KIRREL3: variants seen among roughly 807,000 people sequenced by gnomAD.
The protein encoded by KIRREL3 is kirre like nephrin family adhesion molecule 3.
A neutral mutation model predicts 89.7 loss-of-function variants in KIRREL3; 36 were observed. The ratio of observed to expected loss-of-function variants is 0.40; its 90% CI spans 0.31 to 0.53. The LOEUF (loss-of-function observed/expected upper bound fraction) is 0.53. Ranked by LOEUF, KIRREL3 falls within the 20% of genes least tolerant of loss-of-function variation. The probability of loss-of-function intolerance (pLI) is 0.49; values close to 1 mark genes in which losing one functional copy is unlikely to be tolerated. For synonymous variants in KIRREL3, 445 were observed against 441.4 expected, an observed-to-expected ratio of 1.01 and a Z score of -0.10; for missense variants, 864 against 1,056.6, an observed-to-expected ratio of 0.82 and a Z score of 2.53.
chr11:126,895,941 G>A (rs983930078), intron 1 of KIRREL3, among the ~76,000 whole-genome samples: 2 of 152,196 alleles, frequency 1.3e-5, no homozygotes, highest in Admixed American at 6.5e-5. Context: ...AACTGCAGCG[G>A]TGTTGTCACT....
chr11:126,472,678 C>T (rs1437498989), intron 5 of KIRREL3, among the ~76,000 whole-genome samples: 2 of 134,582 alleles, frequency 1.5e-5, no homozygotes, highest in African/African-American at 2.8e-5. Flanking sequence ...TAGGGTCTTC[C>T]CCAGCAGTTA....
At position 126,491,123 on chromosome 11, in the gene KIRREL3, T is replaced by C. The variant is rs1208219456; in HGVS notation, c.434-17657A>G. Among the ~76,000 whole-genome samples, 2 of 152,196 alleles carry C rather than the reference T, an allele frequency of 1.3e-5. No individual in the cohort carries two copies. The highest frequency in any genetic ancestry group is 4.8e-5 in the African/African-American group (2 of 41,452). ...AAACCGGAATCCCAAAGACAAGCCC[T>C]GAGTCTCCAGGCCACCACTTTCTAC... On this transcript the variant is annotated intron_variant, in intron 4 of 16. Transcript: ENST00000525144. The surrounding 1 kb of genome is among the most constrained non-coding windows in gnomAD (Gnocchi z 5.5).
rs1013237486 is a variant in KIRREL3 at position 126,782,766 on chromosome 11, T to C, written c.55+217689A>G. ...GCTTAATATAGATATAGATGTTATG[T>C]ATGGAAATATTTATAGCTATGTATA... is the stretch of plus-strand genomic sequence containing the variant. On this transcript the variant is annotated intron_variant, in intron 1 of 16. Coordinates refer to ENST00000525144, the MANE Select transcript of KIRREL3 (RefSeq NM_032531.4). The surrounding 1 kb of genome is among the most constrained non-coding windows in gnomAD (Gnocchi z 4.1). 1.3e-5 allele frequency among the ~76,000 whole-genome samples: 2 copies of C among 152,210 alleles called. No individual in the cohort carries two copies. Among genetic ancestry groups the C allele is most frequent in the Non-Finnish European group, 2.9e-5 (2 of 68,044 alleles).
chr11:126,809,718 A>G (rs551382999), intron 1 of KIRREL3, among the ~76,000 whole-genome samples: 1 of 152,196 alleles, frequency 6.6e-6, no homozygotes, highest in Non-Finnish European at 1.5e-5. Context: ...CGCCCTGTAC[A>G]GGGCTTTGCT....
At position 126,537,061 on chromosome 11, in the gene KIRREL3, C is replaced by T. The variant is rs1310843629; in HGVS notation, c.134-10374G>A. Among the ~76,000 whole-genome samples, 2 of 152,160 alleles carry T rather than the reference C, an allele frequency of 1.3e-5. No individual in the cohort carries two copies. The highest frequency in any genetic ancestry group is 4.8e-5 in the African/African-American group (2 of 41,422). On this transcript the variant is annotated intron_variant, in intron 2 of 16. Coordinates refer to ENST00000525144, the MANE Select transcript of KIRREL3 (RefSeq NM_032531.4). This position sits in a 1 kb window ranked among gnomAD's most constrained non-coding sequence, Gnocchi z 4.3. ...TTCTCCACTGGTTATTTGGCCTGGC[C>T]TTTGTTCCAGCAGCAGATTGAGGGG...
chr11:126,692,834 C>T (rs936250119), intron 1 of KIRREL3, among the ~76,000 whole-genome samples: 1 of 152,186 alleles, frequency 6.6e-6, no homozygotes, highest in Non-Finnish European at 1.5e-5. Context: ...TTACTAGGGA[C>T]AGGTGACCCC....
chr11:126,526,789 G>A lies in KIRREL3; in HGVS notation c.134-102C>T. ...CAGAGCAGGGCTGGCGCAGGAGACT[G>A]AGCCTCCTGAAGCACCTGGCTTTCC... On this transcript the variant is annotated intron_variant, in intron 2 of 16. Transcript: ENST00000525144. This position sits in a 1 kb window ranked among gnomAD's most constrained non-coding sequence, Gnocchi z 5.7. 7.8e-7 allele frequency: 1 copy of A among 1,281,958 alleles called. No homozygotes were observed. Among genetic ancestry groups the A allele is most frequent in the Non-Finnish European group, 1.1e-6 (1 of 925,500 alleles). 79.4% of individuals were successfully genotyped at this position (1,281,958 alleles called of 1,614,324 possible). A position where few individuals can be genotyped will look rare whatever the true frequency, so the allele number is the denominator to read the frequency against.
At position 126,689,961 on chromosome 11, in the gene KIRREL3, A is replaced by G. The variant is rs1055094083; in HGVS notation, c.56-127049T>C. 6.6e-6 allele frequency among the ~76,000 whole-genome samples: 1 copy of G among 152,016 alleles called. No homozygotes were observed. Among genetic ancestry groups the G allele is most frequent in the East Asian group, 1.9e-4 (1 of 5,192 alleles). Reference sequence around the variant, plus strand: ...GTGTGAGAGTTGATGCTTCTTTTAGACCCTATTTGTCTCCCGGCCTCACAC... The same window carrying G: ...GTGTGAGAGTTGATGCTTCTTTTAGGCCCTATTTGTCTCCCGGCCTCACAC... On this transcript the variant is annotated intron_variant, in intron 1 of 16. Transcript: ENST00000525144. The surrounding 1 kb of genome is among the most constrained non-coding windows in gnomAD (Gnocchi z 5.2).
chr11:126,833,868 G>A (rs1000061160), intron 1 of KIRREL3, among the ~76,000 whole-genome samples: 1 of 152,170 alleles, frequency 6.6e-6, no homozygotes, highest in African/African-American at 2.4e-5. Context: ...TCTGACTCCA[G>A]ATTTATGAGG....
rs530902239 is a variant in KIRREL3 at position 126,473,479 on chromosome 11, A to T, written c.434-13T>A. On this transcript the variant is annotated splice_polypyrimidine_tract_variant and intron_variant, in intron 4 of 16. Coordinates refer to ENST00000525144, the MANE Select transcript of KIRREL3 (RefSeq NM_032531.4). ...TCATCAGGCGGCACTGCGGGGAGAG[A>T]AGCAGTGAGGTCAGGCCGAGGCTCC... is the stretch of plus-strand genomic sequence containing the variant. The T allele has an allele frequency of 1.2e-5, 18 of 1,536,374 alleles. No individual in the cohort carries two copies. In the African/African-American group the frequency reaches 2.2e-4, roughly 19 times the overall value.
rs1209894688 is a variant in KIRREL3 at position 126,515,737 on chromosome 11, G to A, written c.433+5578C>T. Among the ~76,000 whole-genome samples, 3 of 152,162 alleles carry A rather than the reference G, an allele frequency of 2.0e-5. No individual in the cohort carries two copies. The highest frequency in any genetic ancestry group is 2.9e-5 in the Non-Finnish European group (2 of 68,036). ...CACAGCTGGGGGCTGGCCTCGGGGG[G>A]CCTTGTGTGGCCTGGCAGGGAGCTT... On this transcript the variant is annotated intron_variant, in intron 4 of 16. Transcript: ENST00000525144. This position sits in a 1 kb window ranked among gnomAD's most constrained non-coding sequence, Gnocchi z 4.2.
chr11:126,861,402 T>A (rs1218915548), intron 1 of KIRREL3, among the ~76,000 whole-genome samples: 1 of 151,838 alleles, frequency 6.6e-6, no homozygotes, highest in Non-Finnish European at 1.5e-5. Flanking sequence ...CTCTTAGAAG[T>A]GATACGGGGC....
At chr11:126,725,983 C>T (rs1948364177) in intron 1 of KIRREL3, among the ~76,000 whole-genome samples, 2 of 152,164 alleles carry the variant, frequency 1.3e-5, no homozygotes, top group South Asian at 2.1e-4. Flanking sequence ...AGGAGATGCC[C>T]CATAAATACT....
intron 1 of KIRREL3, among the ~76,000 whole-genome samples, chr11:126,728,134 A>G (rs1948464623): frequency 6.6e-6 from 1 of 152,076 alleles, no homozygotes; most frequent in Non-Finnish European, 1.5e-5. Flanking sequence ...CTGCAAGGTC[A>G]CAGATGGACA....
rs1438219601 is a variant in KIRREL3, at chr11:126,553,579, G to C, written c.133+9256C>G. 6.6e-6 allele frequency among the ~76,000 whole-genome samples: 1 copy of C among 152,184 alleles called. No individual in the cohort carries two copies. Among genetic ancestry groups the C allele is most frequent in the Admixed American group, 6.5e-5 (1 of 15,288 alleles). ...CATATCTACCCATTTCATGAGCCCA[G>C]GTGGCCACCTCAAGGGAGCAGCTGG... On this transcript the variant is annotated intron_variant, in intron 2 of 16. Transcript: ENST00000525144. The surrounding 1 kb of genome is among the most constrained non-coding windows in gnomAD (Gnocchi z 4.7).
intron 1 of KIRREL3, among the ~76,000 whole-genome samples, chr11:126,986,471 T>C (rs571821728): frequency 6.6e-6 from 1 of 152,334 alleles, no homozygotes; most frequent in Admixed American, 6.5e-5. Flanking sequence ...GCATCTCTGG[T>C]GTACAGCATT....
chr11:126,450,251 G>A (rs1361450937), intron 7 of KIRREL3, among the ~76,000 whole-genome samples: 10 of 152,146 alleles, frequency 6.6e-5, no homozygotes, highest in African/African-American at 2.4e-4. Context: ...ATATGCATGT[G>A]TGAGTGTGCC....
At position 126,997,444 on chromosome 11, in the gene KIRREL3, C is replaced by T. The variant is rs1049999934; in HGVS notation, c.55+3011G>A. ...TGGGAGCCAGGCCTGGGGACTCTGG[C>T]GGGGGTGGAATCGGGAGGAATGTTA... On this transcript the variant is annotated intron_variant, in intron 1 of 16. Coordinates refer to ENST00000525144, the MANE Select transcript of KIRREL3 (RefSeq NM_032531.4). This position sits in a 1 kb window ranked among gnomAD's most constrained non-coding sequence, Gnocchi z 4.3. Among the ~76,000 whole-genome samples, 3 of 151,992 alleles carry T rather than the reference C, an allele frequency of 2.0e-5. No individual in the cohort carries two copies. The highest frequency in any genetic ancestry group is 1.3e-4 in the Admixed American group (2 of 15,262).
chr11:126,837,670 A>T lies in KIRREL3; in HGVS notation c.55+162785T>A, dbSNP rs1943826980. ...CTCTGAACTGAAGCATAGGTAGGCT[A>T]ACTAAAAGTAATTTTACAAAAGATG... On this transcript the variant is annotated intron_variant, in intron 1 of 16. Coordinates refer to ENST00000525144, the MANE Select transcript of KIRREL3 (RefSeq NM_032531.4). The surrounding 1 kb of genome is among the most constrained non-coding windows in gnomAD (Gnocchi z 4.7). Among the ~76,000 whole-genome samples the T allele has an allele frequency of 6.6e-6, 1 of 152,240 alleles. No individual in the cohort carries two copies. The highest frequency in any genetic ancestry group is 2.4e-5 in the African/African-American group (1 of 41,458).
Sources: allele counts gnomAD v4.1 joint callset (sites outside exome capture counted in the v4.1 genomes callset), GRCh38; gene constraint gnomAD v4.1.1; non-coding constraint Gnocchi (gnomAD v3.1); transcripts MANE v1.5; gene names NCBI Gene and HGNC (gene_info 2026-07-23, HGNC 2026-07-21).